Variants in CNTNAP2 observed in about 807,000 individuals in gnomAD.
CNTNAP2 encodes the protein contactin-associated protein-like 2.
CNTNAP2 carries 98 observed loss-of-function variants against 155.2 expected under a neutral mutation model. That is an observed-to-expected ratio of 0.63 (90% CI 0.54 to 0.75). The LOEUF (loss-of-function observed/expected upper bound fraction) is 0.75, where lower values mean the gene tolerates loss of function less well. Among genes scored for constraint, CNTNAP2 ranks in the 30% least tolerant of loss-of-function variants. The probability of loss-of-function intolerance (pLI) is 0.00; values close to 1 mark genes in which losing one functional copy is unlikely to be tolerated. For missense variants in CNTNAP2, 1,727 were observed against 1,688.1 expected (o/e 1.02, Z -0.40); for synonymous variants, 651 against 631.2 (o/e 1.03, Z -0.47).
intron 13 of CNTNAP2, among the ~76,000 whole-genome samples, chr7:147,863,774 G>GTTT (rs199777263): frequency 1.3e-5 from 2 of 149,494 alleles, no homozygotes; most frequent in Non-Finnish European, 3.0e-5. Context: ...TTTTGATGGG[G>GTTT]TTGTTTTTTT....
chr7:146,647,122 C>A (rs1041007532), intron 1 of CNTNAP2, among the ~76,000 whole-genome samples: 4 of 152,144 alleles, frequency 2.6e-5, no homozygotes, highest in African/African-American at 7.2e-5. Context: ...GAAGGGATAA[C>A]AAGAGGCAGG....
In CNTNAP2 at chr7:147,503,391, C is replaced by T. The variant is rs1798853300; in HGVS notation, c.1777+17350C>T. Among the ~76,000 whole-genome samples, 4 of 152,282 alleles carry T rather than the reference C, an allele frequency of 2.6e-5. No homozygotes were observed. The South Asian group carries it at 8.3e-4, about 32-fold the overall frequency. On this transcript the variant is annotated intron_variant, in intron 11 of 23. Coordinates refer to ENST00000361727, the MANE Select transcript of CNTNAP2 (RefSeq NM_014141.6). Reference sequence around the variant, plus strand: ...ACAAATTAATCTTGACAAATTACATCTGCAAAGACTGTATTCCCAAATACG... The same window carrying T: ...ACAAATTAATCTTGACAAATTACATTTGCAAAGACTGTATTCCCAAATACG...
chr7:147,512,519 C>G (rs1919189), intron 11 of CNTNAP2, among the ~76,000 whole-genome samples: 96,060 of 151,986 alleles, frequency 0.63, 31,597 homozygotes, highest in South Asian at 0.77. Flanking sequence ...ATCATTTTTT[C>G]TCATAACTAA....
At chr7:147,491,186 C>T (rs118173313) in intron 11 of CNTNAP2, among the ~76,000 whole-genome samples, 1,936 of 152,250 alleles carry the variant, frequency 0.013, 19 homozygotes, top group South Asian at 0.054. Flanking sequence ...CCAGGTCCTA[C>T]GTAATATGGC....
chr7:146,970,323 C>T (rs1475490600), intron 3 of CNTNAP2, among the ~76,000 whole-genome samples: 3 of 151,630 alleles, frequency 2.0e-5, no homozygotes, highest in African/African-American at 4.8e-5. Context: ...TGACAAAGGG[C>T]TACTATCCAG....
chr7:146,421,794 C>G (rs1428710282), intron 1 of CNTNAP2, among the ~76,000 whole-genome samples: 2 of 151,860 alleles, frequency 1.3e-5, no homozygotes, highest in Non-Finnish European at 2.9e-5. Flanking sequence ...GACTTAGGCT[C>G]TTTCACAGAA....
chr7:146,163,585 CTATA>C (rs772109958), intron 1 of CNTNAP2, among the ~76,000 whole-genome samples: 7 of 91,208 alleles, frequency 7.7e-5, no homozygotes, highest in South Asian at 3.4e-4. Context: ...ATCTATCTAT[CTATA>C]TATATATATA....
intron 1 of CNTNAP2, among the ~76,000 whole-genome samples, chr7:146,743,621 C>A (rs886761685): frequency 6.6e-6 from 1 of 151,744 alleles, no homozygotes; most frequent in African/African-American, 2.4e-5. Flanking sequence ...AAATCATAAC[C>A]ATGCACAGTA....
chr7:148,012,834 C>A (rs34024797), intron 15 of CNTNAP2, among the ~76,000 whole-genome samples: 16,143 of 152,188 alleles, frequency 0.11, 1,205 homozygotes, highest in East Asian at 0.24. Flanking sequence ...ACAAATAATA[C>A]TACACTAATA....
At chr7:146,235,952 ATGTGTGTG>A (rs34046295) in intron 1 of CNTNAP2, among the ~76,000 whole-genome samples, 12 of 149,512 alleles carry the variant, frequency 8.0e-5, no homozygotes, top group African/African-American at 2.2e-4. Flanking sequence ...ACATATGGAA[ATGTGTGTG>A]TGTGTGTGTG....
chr7:148,157,035 C>T (rs62471731), intron 17 of CNTNAP2, among the ~76,000 whole-genome samples: 25,341 of 152,036 alleles, frequency 0.17, 2,354 homozygotes, highest in African/African-American at 0.26. Flanking sequence ...GGAAGGTGAA[C>T]GGCTGTGTAG....
chr7:146,419,678 T>A (rs1795985364), intron 1 of CNTNAP2, among the ~76,000 whole-genome samples: 1 of 152,132 alleles, frequency 6.6e-6, no homozygotes, highest in Admixed American at 6.6e-5. Flanking sequence ...TTAACAACAT[T>A]CTTCATCAGA....
intron 1 of CNTNAP2, among the ~76,000 whole-genome samples, chr7:146,309,662 C>T (rs906388483): frequency 5.9e-5 from 9 of 151,706 alleles, no homozygotes; most frequent in African/African-American, 1.2e-4. Flanking sequence ...ATTAATCGGG[C>T]GTGTTGGCGG....
At chr7:146,806,894 C>T (rs1184009237) in intron 2 of CNTNAP2, among the ~76,000 whole-genome samples, 2 of 152,080 alleles carry the variant, frequency 1.3e-5, no homozygotes, top group East Asian at 3.9e-4. Context: ...TCTGTTTTAT[C>T]TGTAAAAGTG....
chr7:146,482,628 A>C (rs1037294421), intron 1 of CNTNAP2, among the ~76,000 whole-genome samples: 48 of 151,974 alleles, frequency 3.2e-4, no homozygotes, highest in Admixed American at 7.2e-4. Flanking sequence ...CTGTAATCCC[A>C]GCTACTCGGG....
intron 21 of CNTNAP2, among the ~76,000 whole-genome samples, chr7:148,316,076 GA>G (rs1279342721): frequency 5.3e-5 from 8 of 151,816 alleles, no homozygotes; most frequent in South Asian, 4.2e-4. Flanking sequence ...AAGATAGAGG[GA>G]AAAAAAATAG....
intron 1 of CNTNAP2, among the ~76,000 whole-genome samples, chr7:146,693,962 A>C (rs1459309078): frequency 6.6e-6 from 1 of 151,638 alleles, no homozygotes; most frequent in Non-Finnish European, 1.5e-5. Flanking sequence ...TTCAGCTCCT[A>C]ATTTTAAGTG....
intron 22 of CNTNAP2, among the ~76,000 whole-genome samples, chr7:148,406,315 T>A (rs1334732572): frequency 6.6e-6 from 1 of 152,116 alleles, no homozygotes; most frequent in Non-Finnish European, 1.5e-5. Context: ...ATTTCTGCGT[T>A]TATCAAAAGG....
intron 9 of CNTNAP2, among the ~76,000 whole-genome samples, chr7:147,377,062 A>G (rs1796447057): frequency 6.6e-6 from 1 of 151,804 alleles, no homozygotes; most frequent in South Asian, 2.1e-4. Context: ...CTGTCTTTTC[A>G]GTATAGTATT....
Sources: gnomAD v4.1 joint callset for allele counts (sites outside exome capture counted in the v4.1 genomes callset) on GRCh38, gnomAD v4.1.1 for gene constraint, MANE v1.5 for transcripts, NCBI Gene and HGNC (gene_info 2026-07-23, HGNC 2026-07-21) for gene names.